RBM33: variants seen among roughly 807,000 people sequenced by gnomAD.
RBM33 encodes the protein RNA binding motif protein 33, also known as RNA-binding protein 33.
RBM33 carries 28 observed loss-of-function variants against 132.6 expected under a neutral mutation model. The ratio of observed to expected loss-of-function variants is 0.21; its 90% CI spans 0.16 to 0.29. The LOEUF is 0.29. Among genes scored for constraint, RBM33 ranks in the 10% least tolerant of loss-of-function variants. RBM33 has a pLI of 1.00. For missense variants in RBM33, 1,291 were observed against 1,518.5 expected, an observed-to-expected ratio of 0.85 and a Z score of 2.49; for synonymous variants, 634 against 593.0, an observed-to-expected ratio of 1.07 and a Z score of -1.01.
intron 5 of RBM33, among the ~76,000 whole-genome samples, chr7:155,689,773 T>A (rs563133958): frequency 4.6e-5 from 7 of 152,354 alleles, no homozygotes; most frequent in South Asian, 2.1e-4. Flanking sequence ...TTCCATGTAG[T>A]TGAGCGGTTT....
intron 14 of RBM33, among the ~76,000 whole-genome samples, chr7:155,756,986 C>T (rs4716548): frequency 0.065 from 9,834 of 152,182 alleles, 481 homozygotes; most frequent in African/African-American, 0.14. Flanking sequence ...TTCAGAGTAA[C>T]GCTTGCCTAC....
intron 3 of RBM33, among the ~76,000 whole-genome samples, chr7:155,677,168 G>T (rs1309005821): frequency 6.6e-6 from 1 of 151,478 alleles, no homozygotes; most frequent in Non-Finnish European, 1.5e-5. Flanking sequence ...AACTGGCCCT[G>T]TGTGGATGAC....
chr7:155,696,916 G>T (rs1420037620), intron 5 of RBM33, among the ~76,000 whole-genome samples: 1 of 152,088 alleles, frequency 6.6e-6, no homozygotes, highest in Admixed American at 6.6e-5. Context: ...ATCTCAGTTT[G>T]TTTGACGCTT....
chr7:155,759,504 G>A (rs1188783535), intron 14 of RBM33, among the ~76,000 whole-genome samples: 30 of 141,724 alleles, frequency 2.1e-4, no homozygotes, highest in African/African-American at 6.7e-4. Context: ...TGCAAGCTCC[G>A]CCTCCCGGGT....
rs1802808333 is a variant in RBM33, at chr7:155,780,982, T to C, written c.*5941T>C. On this transcript the variant is annotated 3_prime_UTR_variant, in exon 18 of 18. Coordinates refer to ENST00000401878, the MANE Select transcript of RBM33 (RefSeq NM_053043.3). ...CACCCGCTTCTTTGTTTCCCGCCCC[T>C]CTGCTTTCGCAGGAGCTCTTGTGCT... 6.5e-6 allele frequency: 1 copy of C among 152,802 alleles called. No individual in the cohort carries two copies. The allele number at this position is 152,802 out of a possible 1,614,324, so 9.5% of individuals were successfully genotyped here.
At chr7:155,646,631 C>T in intron 1 of RBM33, among the ~76,000 whole-genome samples, 1 of 152,202 alleles carries the variant, frequency 6.6e-6, no homozygotes, top group East Asian at 1.9e-4. Context: ...GGATCTCACG[C>T]TTTTAAGGGA....
rs1463182741 is a variant in RBM33 at position 155,777,043 on chromosome 7, CA to C, written c.*2003del. 1 of 151,640 alleles carries C rather than the reference CA, an allele frequency of 6.6e-6. No homozygotes were observed. Among genetic ancestry groups the C allele is most frequent in the Non-Finnish European group, 1.5e-5 (1 of 67,962 alleles). The allele number at this position is 151,640 out of a possible 1,614,324, so 9.4% of individuals were successfully genotyped here. ...CTTACTGATACAATGAAATGAGTTTCATGACTTTTTTTTTTTTTAAACACTT... is the reference window on the plus strand; with the variant it reads ...CTTACTGATACAATGAAATGAGTTTCTGACTTTTTTTTTTTTTAAACACTT... On this transcript the variant is annotated 3_prime_UTR_variant, in exon 18 of 18. Coordinates refer to ENST00000401878, the MANE Select transcript of RBM33 (RefSeq NM_053043.3).
At chr7:155,757,695 A>G (rs1801897388) in intron 14 of RBM33, among the ~76,000 whole-genome samples, 1 of 152,168 alleles carries the variant, frequency 6.6e-6, no homozygotes, top group Admixed American at 6.5e-5. Flanking sequence ...CTATAAAGAA[A>G]TACCTGAGAC....
chr7:155,773,807 C>T (rs547742751), intron 16 of RBM33, among the ~76,000 whole-genome samples: 1 of 152,254 alleles, frequency 6.6e-6, no homozygotes, highest in Admixed American at 6.5e-5. Context: ...GCAGCTCCCC[C>T]TCTTCCTCAG....
Position 155,775,265 on chromosome 7 carries a change from G to C in RBM33, c.*224G>C. The C allele has an allele frequency of 1.5e-6, 1 of 650,392 alleles. No individual in the cohort carries two copies. Among genetic ancestry groups the C allele is most frequent in the Non-Finnish European group, 2.8e-6 (1 of 356,206 alleles). 40.3% of individuals were successfully genotyped at this position (650,392 alleles called of 1,614,324 possible). ...GTGTTAGATTGCTTCACATTCTCTT[G>C]TCACCACCAAGAACTCCAAGTTTTT... On this transcript the variant is annotated 3_prime_UTR_variant, in exon 18 of 18. Coordinates refer to ENST00000401878, the MANE Select transcript of RBM33 (RefSeq NM_053043.3).
intron 9 of RBM33, among the ~76,000 whole-genome samples, chr7:155,729,484 C>T (rs897487260): frequency 6.6e-6 from 1 of 152,146 alleles, no homozygotes; most frequent in African/African-American, 2.4e-5. Flanking sequence ...CACCTGTAAA[C>T]CCAGTGATTT....
chr7:155,716,335 A>ATTTTTTTT (rs1800463768), intron 8 of RBM33, among the ~76,000 whole-genome samples: 1 of 30,704 alleles, frequency 3.3e-5, no homozygotes, highest in African/African-American at 2.3e-4. Context: ...TTTTTTTTAA[A>ATTTTTTTT]TAGGGAAAAG....
intron 14 of RBM33, among the ~76,000 whole-genome samples, chr7:155,746,245 T>G (rs1404252569): frequency 6.6e-6 from 1 of 152,192 alleles, no homozygotes; most frequent in African/African-American, 2.4e-5. Context: ...GTGTATAGCT[T>G]TAGACTCAGT....
chr7:155,725,665 T>C (rs10254812), intron 9 of RBM33, among the ~76,000 whole-genome samples: 36,533 of 152,074 alleles, frequency 0.24, 4,656 homozygotes, highest in African/African-American at 0.32. Context: ...TAAAGAGTTT[T>C]TCATTTCAGG....
chr7:155,654,435 G>T (rs145311165), intron 1 of RBM33, among the ~76,000 whole-genome samples: 3 of 152,002 alleles, frequency 2.0e-5, no homozygotes, highest in Non-Finnish European at 2.9e-5. Context: ...AACTGAGGCT[G>T]TGTTGCATAT....
At chr7:155,667,452 A>G (rs1170697232) in intron 2 of RBM33, among the ~76,000 whole-genome samples, 1 of 152,026 alleles carries the variant, frequency 6.6e-6, no homozygotes, top group Non-Finnish European at 1.5e-5. Context: ...GATTGTTTTC[A>G]GTTGTCTCAA....
intron 2 of RBM33, among the ~76,000 whole-genome samples, chr7:155,671,037 A>T (rs906984119): frequency 6.6e-6 from 1 of 152,154 alleles, no homozygotes; most frequent in Non-Finnish European, 1.5e-5. Context: ...AACTGGCATC[A>T]CATTCCATTT....
chr7:155,661,038 T>TCATTTTTCAATTTCAGA (rs1278239003), intron 1 of RBM33, among the ~76,000 whole-genome samples: 1 of 151,862 alleles, frequency 6.6e-6, no homozygotes, highest in African/African-American at 2.4e-5. Flanking sequence ...TCATTTTAGT[T>TCATTTTTCAATTTCAGA]ATTTTTCAAT....
At chr7:155,743,754 A>G (rs1360504269) in intron 13 of RBM33, among the ~76,000 whole-genome samples, 1 of 152,132 alleles carries the variant, frequency 6.6e-6, no homozygotes, top group Non-Finnish European at 1.5e-5. Flanking sequence ...AACATGCTTT[A>G]ACTCTTCCTT....
Sources: gnomAD v4.1 joint callset for allele counts (sites outside exome capture counted in the v4.1 genomes callset) on GRCh38, gnomAD v4.1.1 for gene constraint, MANE v1.5 for transcripts, NCBI Gene and HGNC (gene_info 2026-07-23, HGNC 2026-07-21) for gene names.